SUMO2: variants seen among roughly 807,000 people sequenced by gnomAD.
SUMO2 encodes small ubiquitin-related modifier 2.
In SUMO2, 1 loss-of-function variant was observed where a neutral mutation model predicts 16.0. The ratio of observed to expected loss-of-function variants is 0.06; its 90% CI spans 0.02 to 0.30. The LOEUF (loss-of-function observed/expected upper bound fraction) is 0.30. SUMO2 is among the 10% of genes least tolerant of loss of function. SUMO2 has a pLI of 1.00. For synonymous variants in SUMO2, 36 were observed against 40.6 expected (o/e 0.89, Z 0.43); for missense variants, 16 against 117.5 (o/e 0.14, Z 3.99).
chr17:75,177,068 A>C lies in SUMO2; in HGVS notation c.154-2245T>G, dbSNP rs1421425942. On this transcript the variant is annotated intron_variant, in intron 2 of 3. Transcript: ENST00000420826. ...CACAATGGCACACACCTGTAGTCCC[A>C]GCTACTCCAGCCGGAGGTTGAGGGG... 2.0e-5 allele frequency among the ~76,000 whole-genome samples: 3 copies of C among 151,890 alleles called. No homozygotes were observed. In the East Asian group the frequency reaches 5.8e-4, roughly 29 times the overall value.
chr17:75,168,463 T>G, intron 3 of SUMO2, 62 bp from the exon 4 acceptor site: 2 of 1,464,024 alleles, frequency 1.4e-6, no homozygotes, highest in Non-Finnish European at 1.9e-6. Context: ...TAATGATTTT[T>G]GGGTTTAAGT....
At chr17:75,170,265 C>T (rs2074726763) in intron 3 of SUMO2, among the ~76,000 whole-genome samples, 2 of 152,110 alleles carry the variant, frequency 1.3e-5, no homozygotes, top group African/African-American at 4.8e-5. Flanking sequence ...AGACTGAAAA[C>T]AAATCTCAAT....
chr17:75,180,488 G>A (rs900742976), intron 2 of SUMO2, among the ~76,000 whole-genome samples: 67 of 150,432 alleles, frequency 4.5e-4, no homozygotes, highest in African/African-American at 1.5e-3. Flanking sequence ...CGAGGCGGGC[G>A]GATCACCTGA....
At position 75,165,923 on chromosome 17, in the gene SUMO2, G is replaced by A. The variant is rs2074689121; in HGVS notation, c.*2416C>T. The A allele has an allele frequency of 6.6e-6, 1 of 152,164 alleles. No individual in the cohort carries two copies. The highest frequency in any genetic ancestry group is 1.5e-5 in the Non-Finnish European group (1 of 68,152). The allele number at this position is 152,164 out of a possible 1,614,324, so 9.4% of individuals were successfully genotyped here. On this transcript the variant is annotated 3_prime_UTR_variant, in exon 4 of 4. Coordinates refer to ENST00000420826, the MANE Select transcript of SUMO2 (RefSeq NM_006937.4). The stretch of plus-strand genomic sequence containing the variant: ...CACCTTTAGTCCCAGCTACTGGGGA[G>A]GCTGAGGCAGGAGAATGGCGTGAAC...
intron 3 of SUMO2, among the ~76,000 whole-genome samples, chr17:75,171,063 G>A (rs1321444561): frequency 6.7e-6 from 1 of 149,186 alleles, no homozygotes; most frequent in East Asian, 2.0e-4. Context: ...CTCTGTAAGG[G>A]GCAGTTAAAA....
intron 3 of SUMO2, among the ~76,000 whole-genome samples, chr17:75,169,816 T>TC (rs1051342537): frequency 9.0e-6 from 1 of 111,278 alleles, no homozygotes; most frequent in African/African-American, 3.6e-5. Context: ...GCCACTGGAC[T>TC]CCAACACCGG....
chr17:75,172,197 A>G (rs1024925741), intron 3 of SUMO2, among the ~76,000 whole-genome samples: 2 of 151,378 alleles, frequency 1.3e-5, no homozygotes, highest in African/African-American at 2.4e-5. Flanking sequence ...TAATTTTTGT[A>G]TTTTTAGTAG....
chr17:75,179,822 C>T (rs1288903466), intron 2 of SUMO2, among the ~76,000 whole-genome samples: 2 of 151,964 alleles, frequency 1.3e-5, no homozygotes, highest in Admixed American at 6.6e-5. Context: ...CCACGCCCAG[C>T]TAATTTTTTT....
rs2074841499 is a variant in SUMO2, at chr17:75,182,908, C to T, written c.-74G>A. 8.8e-6 allele frequency: 11 copies of T among 1,244,140 alleles called. No homozygotes were observed. The East Asian group carries it at 3.1e-4, about 35-fold the overall frequency. 77.1% of individuals were successfully genotyped at this position (1,244,140 alleles called of 1,614,324 possible). A position where few individuals can be genotyped will look rare whatever the true frequency, so the allele number is the denominator to read the frequency against. Reference sequence around the variant, plus strand: ...GGTCCGCACCAAACGAGCACACAAGCAGCACCAGGAGCGGCAGAAGAAGGA... The same window carrying T: ...GGTCCGCACCAAACGAGCACACAAGTAGCACCAGGAGCGGCAGAAGAAGGA... On this transcript the variant is annotated 5_prime_UTR_variant, in exon 1 of 4. Transcript: ENST00000420826.
At position 75,167,606 on chromosome 17, in the gene SUMO2, C is replaced by A. The variant is rs1254300079; in HGVS notation, c.*733G>T. 6.6e-6 allele frequency: 1 copy of A among 152,200 alleles called. No individual in the cohort carries two copies. The highest frequency in any genetic ancestry group is 2.4e-5 in the African/African-American group (1 of 41,448). The allele number at this position is 152,200 out of a possible 1,614,324, so 9.4% of individuals were successfully genotyped here. On this transcript the variant is annotated 3_prime_UTR_variant, in exon 4 of 4. Transcript: ENST00000420826. ...GTTATTCTTTGTTTGGCATCAGTAT[C>A]AGTCTGTCAGAAACACCAAGTAGCT...
intron 2 of SUMO2, among the ~76,000 whole-genome samples, chr17:75,179,303 TG>T (rs1568048763): frequency 6.6e-6 from 1 of 152,076 alleles, no homozygotes. Context: ...ATGAGGCAGG[TG>T]GATCACCTGA....
In SUMO2 at chr17:75,166,319, TA is replaced by T. The variant is rs1301690805; in HGVS notation, c.*2019del. 6.6e-6 allele frequency: 1 copy of T among 151,570 alleles called. No individual in the cohort carries two copies. The highest frequency in any genetic ancestry group is 2.4e-5 in the African/African-American group (1 of 41,190). The allele number at this position is 151,570 out of a possible 1,614,324, so 9.4% of individuals were successfully genotyped here. ...AGAGAAACCCCTTCTCTACTAAAAA[TA>T]CAGAATTAGCCAGGTATGATGGTAG... On this transcript the variant is annotated 3_prime_UTR_variant, in exon 4 of 4. Coordinates refer to ENST00000420826, the MANE Select transcript of SUMO2 (RefSeq NM_006937.4).
chr17:75,178,603 C>T (rs1393666080), intron 2 of SUMO2, among the ~76,000 whole-genome samples: 1 of 152,076 alleles, frequency 6.6e-6, no homozygotes, highest in Non-Finnish European at 1.5e-5. Context: ...GGGTCTCATT[C>T]TGTCACCCAC....
intron 1 of SUMO2, 125 bp from the exon 2 acceptor site, chr17:75,181,313 T>C (rs1185550021): frequency 2.1e-6 from 2 of 966,096 alleles, no homozygotes; most frequent in Non-Finnish European, 3.0e-6. Flanking sequence ...TAAAACGGCA[T>C]ACTGCTGTTT....
intron 3 of SUMO2, among the ~76,000 whole-genome samples, chr17:75,172,607 G>C (rs546806206): frequency 3.3e-5 from 5 of 150,874 alleles, no homozygotes; most frequent in Admixed American, 6.7e-5. Flanking sequence ...TCAGCCTCCC[G>C]AGCAGCTGGG....
At position 75,180,415 on chromosome 17, in the gene SUMO2, A is replaced by AAAC. The variant is rs1555655474; in HGVS notation, c.153+641_153+642insGTT. On this transcript the variant is annotated intron_variant, in intron 2 of 3. Transcript: ENST00000420826. Reference sequence around the variant, plus strand: ...CTTAAAAAAAAAAAAAAAAAAAAAAAAAAAAACGACTTCTTGGTTTGGCGC... The same window carrying AAAC: ...CTTAAAAAAAAAAAAAAAAAAAAAAAAACAAAAAACGACTTCTTGGTTTGGCGC... Among the ~76,000 whole-genome samples, 62 of 145,286 alleles carry AAAC rather than the reference A, an allele frequency of 4.3e-4. 1 individual carries two copies. Among genetic ancestry groups the AAAC allele is most frequent in the African/African-American group, 1.5e-3 (60 of 39,778 alleles).
At chr17:75,171,881 A>G (rs572385494) in intron 3 of SUMO2, among the ~76,000 whole-genome samples, 6 of 152,146 alleles carry the variant, frequency 3.9e-5, no homozygotes, top group Non-Finnish European at 8.8e-5. Context: ...TCTATCTACT[A>G]AAACAAAATT....
At position 75,174,761 on chromosome 17, in the gene SUMO2, T is replaced by A; in HGVS notation, c.216A>T (p.Thr72=). 6.2e-7 allele frequency: 1 copy of A among 1,613,806 alleles called. No individual in the cohort carries two copies. Among genetic ancestry groups the A allele is most frequent in the South Asian group, 1.1e-5 (1 of 91,036 alleles). The change falls in exon 3 of 4, where the codon ACA becomes ACT. Residue 72 remains threonine, a synonymous_variant. Coordinates refer to ENST00000420826, the MANE Select transcript of SUMO2 (RefSeq NM_006937.4). ...FDGQPINETD[T]PAQLEMEDED... is the part of the protein sequence containing the mutation. ...GGAGAGATTTTTTTACCTGTGCAGG[T>A]GTGTCTGTTTCATTGATTGGTTGCC...
At chr17:75,179,849 T>C (rs2074813293) in intron 2 of SUMO2, among the ~76,000 whole-genome samples, 1 of 151,934 alleles carries the variant, frequency 6.6e-6, no homozygotes, top group African/African-American at 2.4e-5. Context: ...TTAGTAGAAA[T>C]GGGATTTTGC....
Sources: allele counts gnomAD v4.1 joint callset (sites outside exome capture counted in the v4.1 genomes callset), GRCh38; gene constraint gnomAD v4.1.1; transcripts MANE v1.5; gene names NCBI Gene and HGNC (gene_info 2026-07-23, HGNC 2026-07-21).